UBE2F: variants seen among roughly 807,000 people sequenced by gnomAD.
The protein encoded by UBE2F is ubiquitin conjugating enzyme E2 F (putative), also known as NEDD8-conjugating enzyme UBE2F.
Under a neutral mutation model 29.6 loss-of-function variants are expected in UBE2F, and 5 were observed. That is an observed-to-expected ratio of 0.17 (90% confidence interval 0.09 to 0.36). UBE2F has a LOEUF of 0.36. UBE2F is among the 10% of genes least tolerant of loss of function. UBE2F has a pLI of 1.00. For synonymous variants in UBE2F, 66 were observed against 81.8 expected (o/e 0.81, Z 1.04); for missense variants, 141 against 228.5 (o/e 0.62, Z 2.47).
chr2:237,972,312 G>A (rs1361983715), intron 1 of UBE2F, among the ~76,000 whole-genome samples: 1 of 152,150 alleles, frequency 6.6e-6, no homozygotes, highest in African/African-American at 2.4e-5. Context: ...TTGGTGATGG[G>A]CCAGAACCTG....
chr2:238,003,488 C>G, intron 4 of UBE2F: 1 of 449,962 alleles, frequency 2.2e-6, no homozygotes, highest in East Asian at 7.1e-5. Flanking sequence ...AAATGTAACT[C>G]CAAGTCAGAT....
intron 4 of UBE2F, among the ~76,000 whole-genome samples, chr2:238,002,505 G>A (rs1366934633): frequency 6.6e-6 from 1 of 152,014 alleles, no homozygotes; most frequent in Non-Finnish European, 1.5e-5. Context: ...CCAAAGTGCT[G>A]GGATTACAGG....
At chr2:237,999,396 T>C (rs1045815100) in intron 4 of UBE2F, among the ~76,000 whole-genome samples, 3 of 152,102 alleles carry the variant, frequency 2.0e-5, no homozygotes, top group Non-Finnish European at 4.4e-5. Flanking sequence ...TGATGTGCAG[T>C]TTATCAGTTT....
At chr2:238,019,777 A>C (rs1433493053) in intron 5 of UBE2F, among the ~76,000 whole-genome samples, 1 of 149,678 alleles carries the variant, frequency 6.7e-6, no homozygotes, top group South Asian at 2.1e-4. Context: ...CTCCTGCCTC[A>C]GCCTCCGGAG....
chr2:237,991,387 T>C (rs2063582519), intron 3 of UBE2F, among the ~76,000 whole-genome samples: 1 of 152,164 alleles, frequency 6.6e-6, no homozygotes, highest in Admixed American at 6.6e-5. Flanking sequence ...ACTTAGTAAC[T>C]ATTCGGAACT....
chr2:238,000,162 T>C (rs551867129), intron 4 of UBE2F, among the ~76,000 whole-genome samples: 3 of 152,352 alleles, frequency 2.0e-5, no homozygotes, highest in African/African-American at 4.8e-5. Context: ...GTAAGACTTA[T>C]ATTGATGTCG....
chr2:238,020,258 C>A (rs1365449825), intron 5 of UBE2F, among the ~76,000 whole-genome samples: 6 of 152,188 alleles, frequency 3.9e-5, no homozygotes, highest in Non-Finnish European at 8.8e-5. Flanking sequence ...TAGGCAAAAA[C>A]ACAAATTGTT....
At chr2:238,030,973 C>A (rs1190997865) in intron 7 of UBE2F, among the ~76,000 whole-genome samples, 2 of 152,236 alleles carry the variant, frequency 1.3e-5, no homozygotes, top group African/African-American at 4.8e-5. Flanking sequence ...GGAGGAGGAG[C>A]AGCAAATTGA....
chr2:238,018,974 T>TA (rs1446800925), intron 5 of UBE2F, among the ~76,000 whole-genome samples: 1 of 152,180 alleles, frequency 6.6e-6, no homozygotes, highest in Non-Finnish European at 1.5e-5. Flanking sequence ...TTGTTTCCCT[T>TA]ATTAGTTTCC....
chr2:238,034,670 A>G (rs2064664648), intron 8 of UBE2F, among the ~76,000 whole-genome samples: 1 of 152,144 alleles, frequency 6.6e-6, no homozygotes, highest in African/African-American at 2.4e-5. Flanking sequence ...AGGACTTGGA[A>G]TCTGATTTTC....
At chr2:238,009,017 T>C (rs911346773) in intron 4 of UBE2F, among the ~76,000 whole-genome samples, 3 of 152,222 alleles carry the variant, frequency 2.0e-5, no homozygotes, top group Admixed American at 2.0e-4. Flanking sequence ...TTGCTGAAGT[T>C]TGAATTCTTA....
At chr2:237,997,229 A>T (rs1033416104) in intron 4 of UBE2F, among the ~76,000 whole-genome samples, 8 of 151,940 alleles carry the variant, frequency 5.3e-5, no homozygotes, top group East Asian at 1.9e-4. Context: ...CAAAAAAAAT[A>T]AAAAAAATAA....
intron 3 of UBE2F, chr2:237,990,302 A>T: frequency 2.5e-6 from 1 of 403,666 alleles, no homozygotes; most frequent in Non-Finnish European, 4.9e-6. Flanking sequence ...TTTTATTAGG[A>T]CATTTTCCTA....
chr2:237,967,102 G>C lies in UBE2F; in HGVS notation c.-47G>C. On this transcript the variant is annotated 5_prime_UTR_variant, in exon 1 of 10. Transcript: ENST00000272930. The surrounding 1 kb of genome is among the most constrained non-coding windows in gnomAD (Gnocchi z 6.3). ...CGGACCGGGCATGGTGTTGGGCGCC[G>C]GGCCCGCCTCGCCTGTCTCGGGGAG... The C allele has an allele frequency of 3.7e-6, 5 of 1,346,816 alleles. No individual in the cohort carries two copies. Among genetic ancestry groups the C allele is most frequent in the Non-Finnish European group, 4.8e-6 (5 of 1,045,416 alleles). The allele number at this position is 1,346,816 out of a possible 1,614,324, so 83.4% of individuals were successfully genotyped here.
intron 5 of UBE2F, among the ~76,000 whole-genome samples, chr2:238,016,857 A>G (rs2064166793): frequency 6.6e-6 from 1 of 152,242 alleles, no homozygotes; most frequent in African/African-American, 2.4e-5. Flanking sequence ...ACTATGTGCC[A>G]GGCAGCCTGC....
At chr2:238,034,811 G>T (rs1258376548) in intron 8 of UBE2F, among the ~76,000 whole-genome samples, 1 of 152,118 alleles carries the variant, frequency 6.6e-6, no homozygotes. Flanking sequence ...AAATATGGTT[G>T]TCTTGACAAT....
intron 8 of UBE2F, among the ~76,000 whole-genome samples, chr2:238,034,160 C>T (rs2064649779): frequency 6.6e-6 from 1 of 151,940 alleles, no homozygotes; most frequent in Non-Finnish European, 1.5e-5. Flanking sequence ...CGCAGTGACT[C>T]ACGCCTGTAC....
intron 1 of UBE2F, among the ~76,000 whole-genome samples, chr2:237,969,141 G>A (rs998794257): frequency 4.6e-5 from 7 of 152,190 alleles, no homozygotes; most frequent in Non-Finnish European, 8.8e-5. Flanking sequence ...CAAAGCACCA[G>A]TGTTACATTC....
At chr2:238,010,158 A>T (rs1475622722) in intron 4 of UBE2F, among the ~76,000 whole-genome samples, 1 of 151,948 alleles carries the variant, frequency 6.6e-6, no homozygotes, top group Non-Finnish European at 1.5e-5. Flanking sequence ...AGGTAGATAG[A>T]TAGATTGAGC....
Sources: gnomAD v4.1 joint callset for allele counts (sites outside exome capture counted in the v4.1 genomes callset) on GRCh38, gnomAD v4.1.1 for gene constraint, Gnocchi (gnomAD v3.1) non-coding constraint, MANE v1.5 for transcripts, NCBI Gene and HGNC (gene_info 2026-07-23, HGNC 2026-07-21) for gene names.